PDSS2: variants seen among roughly 807,000 people sequenced by gnomAD.
PDSS2 encodes all trans-polyprenyl-diphosphate synthase PDSS2.
In PDSS2, 31 loss-of-function variants were observed where a neutral mutation model predicts 44.5. The ratio of observed to expected loss-of-function variants is 0.70; its 90% confidence interval spans 0.52 to 0.94. The LOEUF is 0.94. PDSS2 is among the 40% of genes least tolerant of loss of function. The probability of loss-of-function intolerance (pLI) is 0.00; values close to 1 mark genes in which losing one functional copy is unlikely to be tolerated. For synonymous variants in PDSS2, 157 were observed against 180.3 expected (o/e 0.87, Z 1.03); for missense variants, 452 against 482.2 (o/e 0.94, Z 0.59).
chr6:107,334,139 T>C (rs1383601983), intron 2 of PDSS2, 59 bp downstream of exon 2: 2 of 1,415,310 alleles, frequency 1.4e-6, no homozygotes, highest in Non-Finnish European at 2.0e-6. Context: ...CACTGACCTC[T>C]GTCCAGTAAA....
chr6:107,271,166 G>C (rs947572926), intron 3 of PDSS2, among the ~76,000 whole-genome samples: 2 of 152,136 alleles, frequency 1.3e-5, no homozygotes, highest in African/African-American at 4.8e-5. Flanking sequence ...GTCAATGATA[G>C]ATACCACTAT....
At chr6:107,264,490 A>G (rs1775348376) in intron 3 of PDSS2, 2 of 1,545,534 alleles carry the variant, frequency 1.3e-6, no homozygotes, top group Non-Finnish European at 1.8e-6. Context: ...ATATATAGCA[A>G]TAGGTCCATT....
At chr6:107,280,777 CAG>C (rs1342053844) in intron 2 of PDSS2, among the ~76,000 whole-genome samples, 3 of 152,182 alleles carry the variant, frequency 2.0e-5, no homozygotes, top group African/African-American at 7.2e-5. Context: ...GTTAAAATAG[CAG>C]AGTTAATTGT....
intron 7 of PDSS2, among the ~76,000 whole-genome samples, chr6:107,183,207 TA>T (rs5878908): frequency 0.65 from 89,202 of 136,242 alleles, 28,539 homozygotes; most frequent in South Asian, 0.79. Context: ...CAAGACTGTC[TA>T]AAAAAAAAAA....
chr6:107,359,935 T>C (rs1022377124), intron 1 of PDSS2, among the ~76,000 whole-genome samples: 3 of 152,178 alleles, frequency 2.0e-5, no homozygotes, highest in South Asian at 2.1e-4. Flanking sequence ...TTTCAAAATA[T>C]AACATGTCAT....
intron 2 of PDSS2, among the ~76,000 whole-genome samples, chr6:107,330,389 T>A (rs181241260): frequency 6.6e-6 from 1 of 152,320 alleles, no homozygotes; most frequent in East Asian, 1.9e-4. Flanking sequence ...CTTCAGTCTC[T>A]TCTACCAGTT....
intron 2 of PDSS2, among the ~76,000 whole-genome samples, chr6:107,311,409 T>C (rs1777042983): frequency 6.6e-6 from 1 of 152,142 alleles, no homozygotes; most frequent in African/African-American, 2.4e-5. Flanking sequence ...GGTTTCATTA[T>C]GTTGCCCAGG....
At chr6:107,267,009 ATTAT>A (rs760926085) in intron 3 of PDSS2, among the ~76,000 whole-genome samples, 6 of 152,258 alleles carry the variant, frequency 3.9e-5, no homozygotes, top group South Asian at 2.1e-4. Flanking sequence ...TAAACAAGTG[ATTAT>A]TTGTTTGTAT....
intron 1 of PDSS2, among the ~76,000 whole-genome samples, chr6:107,382,680 A>G (rs1221650681): frequency 6.6e-6 from 1 of 152,186 alleles, no homozygotes. Flanking sequence ...TCTACAAAAA[A>G]TAAAAAATTA....
chr6:107,322,182 A>T (rs1440727197), intron 2 of PDSS2, among the ~76,000 whole-genome samples: 1 of 152,180 alleles, frequency 6.6e-6, no homozygotes, highest in East Asian at 1.9e-4. Context: ...CTAATCCTGT[A>T]GGGAATGCAA....
chr6:107,159,696 G>A (rs1771053565), intron 7 of PDSS2, among the ~76,000 whole-genome samples: 1 of 151,914 alleles, frequency 6.6e-6, no homozygotes, highest in South Asian at 2.1e-4. Flanking sequence ...GGGATTACAG[G>A]CGTGAGCCAC....
intron 4 of PDSS2, among the ~76,000 whole-genome samples, chr6:107,212,658 T>A (rs1159650072): frequency 6.6e-6 from 1 of 152,152 alleles, no homozygotes. Flanking sequence ...ATTTAATTTA[T>A]GTGAAAATGT....
intron 1 of PDSS2, among the ~76,000 whole-genome samples, chr6:107,380,867 C>T (rs1779434126): frequency 6.6e-6 from 1 of 152,136 alleles, no homozygotes; most frequent in Non-Finnish European, 1.5e-5. Context: ...TTACATGTGA[C>T]AGGAGAAACT....
chr6:107,445,706 C>CGACG (rs1781649780), intron 1 of PDSS2, among the ~76,000 whole-genome samples: 2 of 152,156 alleles, frequency 1.3e-5, no homozygotes, highest in Non-Finnish European at 2.9e-5. Flanking sequence ...TGAGAACTGA[C>CGACG]GACGGCTTCC....
intron 1 of PDSS2, among the ~76,000 whole-genome samples, chr6:107,426,721 T>C (rs1452963898): frequency 1.3e-5 from 2 of 152,274 alleles, no homozygotes; most frequent in South Asian, 2.1e-4. Flanking sequence ...ATGCAAGACA[T>C]GGAGTCAAAG....
chr6:107,351,642 C>G (rs573424597), intron 1 of PDSS2, among the ~76,000 whole-genome samples: 27 of 152,258 alleles, frequency 1.8e-4, no homozygotes, highest in Admixed American at 4.6e-4. Flanking sequence ...TCCACTCAGT[C>G]TGGTTTCAAA....
chr6:107,283,594 T>G (rs1002781818), intron 2 of PDSS2, among the ~76,000 whole-genome samples: 3 of 150,952 alleles, frequency 2.0e-5, no homozygotes, highest in South Asian at 2.1e-4. Context: ...GTGTTGCACA[T>G]CTGTGATTCC....
intron 1 of PDSS2, among the ~76,000 whole-genome samples, chr6:107,356,801 AC>A (rs1778608849): frequency 6.6e-6 from 1 of 152,218 alleles, no homozygotes; most frequent in Non-Finnish European, 1.5e-5. Context: ...CCATGACAAT[AC>A]CAGAGTCTTA....
chr6:107,333,516 T>C (rs1777777167), intron 2 of PDSS2, among the ~76,000 whole-genome samples: 1 of 152,186 alleles, frequency 6.6e-6, no homozygotes, highest in Admixed American at 6.5e-5. Flanking sequence ...GCATCAATCT[T>C]TATACAATGA....
Sources: allele counts gnomAD v4.1 joint callset (sites outside exome capture counted in the v4.1 genomes callset), GRCh38; gene constraint gnomAD v4.1.1; transcripts MANE v1.5; gene names NCBI Gene and HGNC (gene_info 2026-07-23, HGNC 2026-07-21).